Variants in COL8A1 observed in about 807,000 individuals in gnomAD.
The protein encoded by COL8A1 is collagen alpha-1(VIII) chain.
In COL8A1, 21 loss-of-function variants were observed where a neutral mutation model predicts 42.7. The ratio of observed to expected loss-of-function variants is 0.49; its 90% CI spans 0.35 to 0.71. The LOEUF (loss-of-function observed/expected upper bound fraction) is 0.71, where lower values mean the gene tolerates loss of function less well. COL8A1 is among the 30% of genes least tolerant of loss of function. COL8A1 has a pLI of 0.01. For synonymous variants in COL8A1, 367 were observed against 369.1 expected (o/e 0.99, Z 0.06); for missense variants, 788 against 962.4 (o/e 0.82, Z 2.40).
intron 2 of COL8A1, among the ~76,000 whole-genome samples, chr3:99,781,513 G>C (rs2107447685): frequency 6.6e-6 from 1 of 152,142 alleles, no homozygotes; most frequent in African/African-American, 2.4e-5. Flanking sequence ...CCCAAGAAAT[G>C]TACTATAAAA....
At chr3:99,777,495 G>A (rs576462459) in intron 2 of COL8A1, among the ~76,000 whole-genome samples, 23 of 152,256 alleles carry the variant, frequency 1.5e-4, no homozygotes, top group Non-Finnish European at 2.2e-4. Context: ...CTATTAGGGT[G>A]GAGAACAAGA....
chr3:99,656,116 A>G (rs147874716), intron 1 of COL8A1, among the ~76,000 whole-genome samples: 1 of 152,338 alleles, frequency 6.6e-6, no homozygotes, highest in Non-Finnish European at 1.5e-5. Context: ...TATTTTAAGT[A>G]TATATCAAAA....
In COL8A1 at chr3:99,676,619, C is replaced by T. The variant is rs917968244; in HGVS notation, c.-129+37955C>T. Among the ~76,000 whole-genome samples the T allele has an allele frequency of 3.3e-5, 5 of 152,196 alleles. No homozygotes were observed. The East Asian group carries it at 9.6e-4, about 29-fold the overall frequency. On this transcript the variant is annotated intron_variant, in intron 1 of 3. Transcript: ENST00000652472. ...AGTGAATACAAAATTTCTGTGCAAA[C>T]ATTATAGTTAATTATAACTTTTGGA...
At chr3:99,736,137 G>C (rs1218716419) in intron 1 of COL8A1, among the ~76,000 whole-genome samples, 3 of 152,016 alleles carry the variant, frequency 2.0e-5, no homozygotes, top group East Asian at 3.9e-4. Flanking sequence ...AGGGTTTTTT[G>C]TGTCTCTATT....
chr3:99,653,471 T>A (rs1038431766), intron 1 of COL8A1, among the ~76,000 whole-genome samples: 5 of 151,920 alleles, frequency 3.3e-5, no homozygotes, highest in Admixed American at 2.6e-4. Flanking sequence ...CCCCACCAGT[T>A]CCCCTAAAAG....
chr3:99,734,664 T>C (rs1301746966), intron 1 of COL8A1, among the ~76,000 whole-genome samples: 34 of 151,168 alleles, frequency 2.2e-4, no homozygotes, highest in Non-Finnish European at 4.6e-4. Context: ...AACTTTAAAG[T>C]AGTTTTTTCC....
intron 1 of COL8A1, among the ~76,000 whole-genome samples, chr3:99,697,197 G>A (rs1045067773): frequency 7.9e-5 from 12 of 151,444 alleles, no homozygotes; most frequent in African/African-American, 2.4e-4. Flanking sequence ...CGTTTTAGCC[G>A]GGATGGTCTC....
intron 1 of COL8A1, among the ~76,000 whole-genome samples, chr3:99,738,758 C>G (rs1360513640): frequency 6.6e-6 from 1 of 152,192 alleles, no homozygotes; most frequent in Non-Finnish European, 1.5e-5. Flanking sequence ...CCACCCAGTT[C>G]GAGCTTCCTG....
At chr3:99,730,202 T>G (rs533009081) in intron 1 of COL8A1, among the ~76,000 whole-genome samples, 1 of 152,254 alleles carries the variant, frequency 6.6e-6, no homozygotes, top group South Asian at 2.1e-4. Context: ...TAAATGAGAC[T>G]GTGCAGATAA....
At chr3:99,773,815 G>GTATATATATATATATATATATAT (rs1553682065) in intron 2 of COL8A1, among the ~76,000 whole-genome samples, 33 of 35,912 alleles carry the variant, frequency 9.2e-4, no homozygotes, top group East Asian at 1.9e-3. Context: ...ATATATGTGT[G>GTATATATATATATATATATATAT]TATATATATA....
At chr3:99,683,160 T>C (rs1610255) in intron 1 of COL8A1, among the ~76,000 whole-genome samples, 91,551 of 152,004 alleles carry the variant, frequency 0.6, 27,820 homozygotes, top group East Asian at 0.77. Flanking sequence ...TTTTTCATAG[T>C]TTTATTATAG....
At chr3:99,677,879 A>G (rs1938750052) in intron 1 of COL8A1, 1 of 151,518 alleles carries the variant, frequency 6.6e-6, no homozygotes, top group Non-Finnish European at 1.5e-5. Context: ...GCTGGCAGAG[A>G]GACTTGAATG....
Position 99,794,187 on chromosome 3 carries a change from C to A in COL8A1, c.329-43C>A. On this transcript the variant is annotated intron_variant, in intron 3 of 3. Transcript: ENST00000652472. This position sits in a 1 kb window ranked among gnomAD's most constrained non-coding sequence, Gnocchi z 4.3. ...AGAGACAATCTACTAATCAATCTCT[C>A]TCTCTCCCCCCATACCCCTTCTCTC... The A allele has an allele frequency of 7.7e-7, 1 of 1,299,072 alleles. No individual in the cohort carries two copies. Among genetic ancestry groups the A allele is most frequent in the Non-Finnish European group, 1.1e-6 (1 of 942,682 alleles). The allele number at this position is 1,299,072 out of a possible 1,614,324, so 80.5% of individuals were successfully genotyped here. A position where few individuals can be genotyped will look rare whatever the true frequency, so the allele number is the denominator to read the frequency against.
rs569822651 is a variant in COL8A1 at position 99,650,921 on chromosome 3, C to T, written c.-129+12257C>T. On this transcript the variant is annotated intron_variant, in intron 1 of 3. Coordinates refer to ENST00000652472, the MANE Select transcript of COL8A1 (RefSeq NM_020351.4). ...TGAATAAGATATGCTTTTTTCTATC[C>T]CCAGTGAATGCTATGACTGCAGTAG... is the stretch of plus-strand genomic sequence containing the variant. 9.6e-4 allele frequency among the ~76,000 whole-genome samples: 146 copies of T among 151,980 alleles called. 2 individuals carry two copies. The highest frequency in any genetic ancestry group is 1.2e-3 in the South Asian group (6 of 4,808).
chr3:99,790,839 C>A lies in COL8A1; in HGVS notation c.157C>A (p.Pro53Thr). ...QMPPQIPQYQ[P>T]LGQQVPHMPL... ...GCCACCACAAATTCCACAATACCAG[C>A]CCCTGGGTCAGCAAGTACCTCACAT... Residue 53 changes from proline (P) to threonine (T), a missense_variant, in exon 3 of 4, where the codon CCC (proline) becomes ACC (threonine). Physicochemically the swap from Pro to Thr is conservative, Grantham distance 38. Transcript: ENST00000652472. 1 of 1,614,252 alleles carries A rather than the reference C, an allele frequency of 6.2e-7. No individual in the cohort carries two copies. Among genetic ancestry groups the A allele is most frequent in the Non-Finnish European group, 8.5e-7 (1 of 1,180,050 alleles).
At chr3:99,650,307 A>C (rs1937801621) in intron 1 of COL8A1, among the ~76,000 whole-genome samples, 1 of 152,264 alleles carries the variant, frequency 6.6e-6, no homozygotes, top group African/African-American at 2.4e-5. Flanking sequence ...TCACCTATGC[A>C]CTGTATTGAA....
At chr3:99,756,754 C>T (rs190389953) in intron 2 of COL8A1, among the ~76,000 whole-genome samples, 3 of 152,254 alleles carry the variant, frequency 2.0e-5, no homozygotes, top group Non-Finnish European at 2.9e-5. Context: ...AGTACCATCA[C>T]GTCACCTAAG....
chr3:99,668,699 T>A (rs556213359), intron 1 of COL8A1, among the ~76,000 whole-genome samples: 84 of 152,140 alleles, frequency 5.5e-4, no homozygotes, highest in African/African-American at 1.9e-3. Flanking sequence ...GGCAGATGAT[T>A]TCCTTTCTGC....
At chr3:99,772,130 T>G (rs540813877) in intron 2 of COL8A1, among the ~76,000 whole-genome samples, 4 of 152,170 alleles carry the variant, frequency 2.6e-5, no homozygotes, top group African/African-American at 9.6e-5. Context: ...ATCCAGACAA[T>G]GGAATATTAT....
Sources: gnomAD v4.1 joint callset for allele counts (sites outside exome capture counted in the v4.1 genomes callset) on GRCh38, gnomAD v4.1.1 for gene constraint, Gnocchi (gnomAD v3.1) non-coding constraint, MANE v1.5 for transcripts, NCBI Gene and HGNC (gene_info 2026-07-23, HGNC 2026-07-21) for gene names.